Variants in AGAP1 observed in about 807,000 individuals in gnomAD.
AGAP1 encodes arf-GAP with GTPase, ANK repeat and PH domain-containing protein 1.
In AGAP1, 29 loss-of-function variants were observed where a neutral mutation model predicts 105.3. That is an observed-to-expected ratio of 0.28 (90% CI 0.21 to 0.38). The LOEUF (loss-of-function observed/expected upper bound fraction) is 0.38. Among genes scored for constraint, AGAP1 ranks in the 10% least tolerant of loss-of-function variants. The pLI, the probability that AGAP1 is intolerant of heterozygous loss-of-function variation, is 1.00. For synonymous variants in AGAP1, 509 were observed against 485.9 expected, an observed-to-expected ratio of 1.05 and a Z score of -0.63; for missense variants, 998 against 1,165.1, an observed-to-expected ratio of 0.86 and a Z score of 2.09.
At chr2:236,112,357 A>G (rs953218959) in intron 16 of AGAP1, among the ~76,000 whole-genome samples, 2 of 151,832 alleles carry the variant, frequency 1.3e-5, no homozygotes, top group African/African-American at 4.8e-5. Context: ...TGGAGGTTGC[A>G]GTGAGCCAAG....
At position 235,971,409 on chromosome 2, in the gene AGAP1, A is replaced by G. The variant is rs572190932; in HGVS notation, c.1645+2786A>G. 6.6e-6 allele frequency among the ~76,000 whole-genome samples: 1 copy of G among 152,370 alleles called. No individual in the cohort carries two copies. Among genetic ancestry groups the G allele is most frequent in the African/African-American group, 2.4e-5 (1 of 41,594 alleles). On this transcript the variant is annotated intron_variant, in intron 13 of 17. Coordinates refer to ENST00000304032, the MANE Select transcript of AGAP1 (RefSeq NM_001037131.3). This position sits in a 1 kb window ranked among gnomAD's most constrained non-coding sequence, Gnocchi z 4.8. ...ATTGTGTAAAACACCCAAATTAAAC[A>G]TTCTGTTCTGGCCGGGCACAGTGGC...
rs1293702841 is a variant in AGAP1 at position 235,754,835 on chromosome 2, A to G, written c.673+4347A>G. 6.6e-6 allele frequency among the ~76,000 whole-genome samples: 1 copy of G among 152,234 alleles called. No individual in the cohort carries two copies. Among genetic ancestry groups the G allele is most frequent in the Admixed American group, 6.5e-5 (1 of 15,286 alleles). ...TTCCTCCGTGAAGTTAAGGTCCACTAGGGAGGGTAAACATCAAACGGTCAC... is the reference window on the plus strand; with the variant it reads ...TTCCTCCGTGAAGTTAAGGTCCACTGGGGAGGGTAAACATCAAACGGTCAC... On this transcript the variant is annotated intron_variant, in intron 6 of 17. Transcript: ENST00000304032. The surrounding 1 kb of genome is among the most constrained non-coding windows in gnomAD (Gnocchi z 4.6).
intron 1 of AGAP1, among the ~76,000 whole-genome samples, chr2:235,683,097 AG>A (rs1477027620): frequency 6.6e-6 from 1 of 152,172 alleles, no homozygotes; most frequent in Non-Finnish European, 1.5e-5. Context: ...ACTTGAGGCC[AG>A]GAGTTCGAGA....
Position 235,877,589 on chromosome 2 carries a change from T to G in AGAP1, c.1051-5756T>G, listed in dbSNP as rs1371111794. Among the ~76,000 whole-genome samples, 1 of 152,150 alleles carries G rather than the reference T, an allele frequency of 6.6e-6. No individual in the cohort carries two copies. The highest frequency in any genetic ancestry group is 2.4e-5 in the African/African-American group (1 of 41,432). ...TGCGTCTCCCTCAGCGCTGTCCCCC[T>G]TAGCACCACTCATGACCTAGGAAGT... On this transcript the variant is annotated intron_variant, in intron 9 of 17. Transcript: ENST00000304032. The surrounding 1 kb of genome is among the most constrained non-coding windows in gnomAD (Gnocchi z 4.3).
intron 16 of AGAP1, among the ~76,000 whole-genome samples, chr2:236,112,661 C>T (rs754792821): frequency 2.6e-5 from 4 of 151,792 alleles, no homozygotes; most frequent in African/African-American, 4.8e-5. Context: ...GTGGGCATCC[C>T]GGCCCAAGCT....
intron 16 of AGAP1, among the ~76,000 whole-genome samples, chr2:236,068,693 A>C (rs1308970190): frequency 6.8e-6 from 1 of 146,892 alleles, no homozygotes; most frequent in East Asian, 2.1e-4. Context: ...CCAGCTACTC[A>C]GGAGGCTGAG....
chr2:235,645,390 G>T (rs765122175), intron 1 of AGAP1, among the ~76,000 whole-genome samples: 4 of 152,270 alleles, frequency 2.6e-5, no homozygotes, highest in Non-Finnish European at 4.4e-5. Flanking sequence ...GAGAAGTGAG[G>T]TCTCCGGCTT....
At chr2:236,024,342 A>G (rs536630689) in intron 13 of AGAP1, among the ~76,000 whole-genome samples, 3 of 152,174 alleles carry the variant, frequency 2.0e-5, no homozygotes, top group East Asian at 3.9e-4. Context: ...CGGCCCCATC[A>G]ACAGCTTTGA....
At chr2:235,925,192 A>T (rs555053321) in intron 11 of AGAP1, among the ~76,000 whole-genome samples, 1 of 152,286 alleles carries the variant, frequency 6.6e-6, no homozygotes, top group African/African-American at 2.4e-5. Flanking sequence ...AGGTTGGTGA[A>T]TTAGGACCAC....
rs890577480 is a variant in AGAP1 at position 236,080,487 on chromosome 2, A to G, written c.2114+31206A>G. Among the ~76,000 whole-genome samples, 6 of 152,176 alleles carry G rather than the reference A, an allele frequency of 3.9e-5. No individual in the cohort carries two copies. Among genetic ancestry groups the G allele is most frequent in the African/African-American group, 1.4e-4 (6 of 41,432 alleles). On this transcript the variant is annotated intron_variant, in intron 16 of 17. Coordinates refer to ENST00000304032, the MANE Select transcript of AGAP1 (RefSeq NM_001037131.3). This position sits in a 1 kb window ranked among gnomAD's most constrained non-coding sequence, Gnocchi z 4.2. ...TACGGAGACTCTATGGCCAAGAGGG[A>G]CAGATCACACTAGACATCAAGCTCA...
At position 235,963,035 on chromosome 2, in the gene AGAP1, G is replaced by A. The variant is rs756011325; in HGVS notation, c.1484-5427G>A. On this transcript the variant is annotated intron_variant, in intron 12 of 17. Transcript: ENST00000304032. The surrounding 1 kb of genome is among the most constrained non-coding windows in gnomAD (Gnocchi z 5.1). ...GTGTGGAAGGACACAAAAGGAAAAC[G>A]TGGATGTGGAGGAAATGCTGATGGG... 9.9e-5 allele frequency among the ~76,000 whole-genome samples: 15 copies of A among 152,192 alleles called. No homozygotes were observed. The highest frequency in any genetic ancestry group is 1.9e-4 in the Non-Finnish European group (13 of 68,046).
intron 13 of AGAP1, among the ~76,000 whole-genome samples, chr2:236,026,709 A>G (rs2057067098): frequency 6.6e-6 from 1 of 152,232 alleles, no homozygotes; most frequent in Admixed American, 6.5e-5. Flanking sequence ...AGCCTGGGCA[A>G]CAGAGCGAGA....
chr2:235,897,058 TTTTG>T (rs1008199642), intron 10 of AGAP1, among the ~76,000 whole-genome samples: 1 of 152,164 alleles, frequency 6.6e-6, no homozygotes, highest in African/African-American at 2.4e-5. Flanking sequence ...TTATTTCTTT[TTTTG>T]TTTGTTTTTT....
At chr2:235,954,112 G>T (rs1232750766) in intron 12 of AGAP1, among the ~76,000 whole-genome samples, 3 of 151,540 alleles carry the variant, frequency 2.0e-5, no homozygotes, top group Admixed American at 1.3e-4. Context: ...GGTGGCACAT[G>T]CCTGTAATCC....
At chr2:235,921,601 G>A (rs1474664560) in intron 11 of AGAP1, among the ~76,000 whole-genome samples, 2 of 152,144 alleles carry the variant, frequency 1.3e-5, no homozygotes, top group Admixed American at 6.5e-5. Flanking sequence ...GCCTGGCCAC[G>A]TTGCTGTATT....
At position 236,092,275 on chromosome 2, in the gene AGAP1, T is replaced by A. The variant is rs2059081455; in HGVS notation, c.2115-27917T>A. Reference sequence around the variant, plus strand: ...AAATCGGAAATGTGGACAAGCCAGGTGGGTTGTATCCATATCCTATGGTGA... The same window carrying A: ...AAATCGGAAATGTGGACAAGCCAGGAGGGTTGTATCCATATCCTATGGTGA... On this transcript the variant is annotated intron_variant, in intron 16 of 17. Coordinates refer to ENST00000304032, the MANE Select transcript of AGAP1 (RefSeq NM_001037131.3). This position sits in a 1 kb window ranked among gnomAD's most constrained non-coding sequence, Gnocchi z 4.7. Among the ~76,000 whole-genome samples the A allele has an allele frequency of 6.6e-6, 1 of 152,222 alleles. No homozygotes were observed. The highest frequency in any genetic ancestry group is 2.4e-5 in the African/African-American group (1 of 41,462).
chr2:235,641,793 T>G (rs932086705), intron 1 of AGAP1, among the ~76,000 whole-genome samples: 22 of 152,264 alleles, frequency 1.4e-4, no homozygotes, highest in African/African-American at 5.1e-4. Context: ...ACACATTACC[T>G]GATTCAGTAT....
rs2051328430 is a variant in AGAP1 at position 235,906,804 on chromosome 2, C to T, written c.1156-1934C>T. Among the ~76,000 whole-genome samples the T allele has an allele frequency of 1.3e-5, 2 of 150,280 alleles. No individual in the cohort carries two copies. The highest frequency in any genetic ancestry group is 4.2e-4 in the South Asian group (2 of 4,816). On this transcript the variant is annotated intron_variant, in intron 10 of 17. Coordinates refer to ENST00000304032, the MANE Select transcript of AGAP1 (RefSeq NM_001037131.3). This position sits in a 1 kb window ranked among gnomAD's most constrained non-coding sequence, Gnocchi z 5.3. Reference sequence around the variant, plus strand: ...TGTGGCTTTTGTTGTGCCTTTTCTTCTATCAGCAAACATCTACTTGTTGAT... The same window carrying T: ...TGTGGCTTTTGTTGTGCCTTTTCTTTTATCAGCAAACATCTACTTGTTGAT...
rs949530767 is a variant in AGAP1 at position 235,608,108 on chromosome 2, G to A, written c.164-101071G>A. Among the ~76,000 whole-genome samples, 11 of 152,146 alleles carry A rather than the reference G, an allele frequency of 7.2e-5. No individual in the cohort carries two copies. The highest frequency in any genetic ancestry group is 3.9e-4 in the Admixed American group (6 of 15,282). On this transcript the variant is annotated intron_variant, in intron 1 of 17. Transcript: ENST00000304032. This position sits in a 1 kb window ranked among gnomAD's most constrained non-coding sequence, Gnocchi z 5.4. ...GCATCGTCTGCACGTTGACCGGGTC[G>A]TTTTTAGCTTTGCCCACTTTTCATT... is the stretch of plus-strand genomic sequence containing the variant.
Sources: allele counts gnomAD v4.1 joint callset (sites outside exome capture counted in the v4.1 genomes callset), GRCh38; gene constraint gnomAD v4.1.1; non-coding constraint Gnocchi (gnomAD v3.1); transcripts MANE v1.5; gene names NCBI Gene and HGNC (gene_info 2026-07-23, HGNC 2026-07-21).